Variants in CNTNAP4 observed in about 807,000 individuals in gnomAD.
CNTNAP4 encodes the protein contactin associated protein family member 4.
CNTNAP4 carries 98 observed loss-of-function variants against 148.4 expected under a neutral mutation model. That is an observed-to-expected ratio of 0.66 (90% CI 0.56 to 0.78). The LOEUF is 0.78. Ranked by LOEUF, CNTNAP4 falls within the 30% of genes least tolerant of loss-of-function variation. The probability of loss-of-function intolerance (pLI) is 0.00; values close to 1 mark genes in which losing one functional copy is unlikely to be tolerated. For missense variants in CNTNAP4, 1,935 were observed against 1,565.6 expected, an observed-to-expected ratio of 1.24 and a Z score of -3.98; for synonymous variants, 730 against 565.1, an observed-to-expected ratio of 1.29 and a Z score of -4.14.
intron 5 of CNTNAP4, 117 bp downstream of exon 5, chr16:76,448,332 G>T (rs2080326933): frequency 2.9e-6 from 2 of 694,270 alleles, no homozygotes; most frequent in Admixed American, 2.9e-5. Context: ...AGATTCAAGG[G>T]CTTGTACATA....
chr16:76,476,107 T>C, intron 11 of CNTNAP4, 62 bp downstream of exon 11: 1 of 1,116,252 alleles, frequency 9.0e-7, no homozygotes, highest in Non-Finnish European at 1.4e-6. Flanking sequence ...CATTTCCCTT[T>C]TCATTGCTGT....
intron 9 of CNTNAP4, among the ~76,000 whole-genome samples, chr16:76,462,553 C>T (rs895350731): frequency 7.9e-5 from 12 of 152,096 alleles, no homozygotes; most frequent in Admixed American, 1.3e-4. Context: ...CTTAATCAGC[C>T]CCAGCAACCT....
chr16:76,452,869 A>G, intron 8 of CNTNAP4, 100 bp downstream of exon 8: 3 of 1,044,600 alleles, frequency 2.9e-6, no homozygotes, highest in Non-Finnish European at 4.0e-6. Flanking sequence ...ATATTTGCTT[A>G]ATAAATGAAT....
intron 1 of CNTNAP4, among the ~76,000 whole-genome samples, chr16:76,308,605 T>C (rs556086262): frequency 4.9e-4 from 75 of 152,302 alleles, no homozygotes; most frequent in African/African-American, 1.7e-3. Flanking sequence ...ATAAGGACAT[T>C]ATGAAAGGAA....
At chr16:76,529,601 A>G (rs1597075979) in intron 17 of CNTNAP4, among the ~76,000 whole-genome samples, 2 of 152,190 alleles carry the variant, frequency 1.3e-5, no homozygotes, top group South Asian at 4.1e-4. Flanking sequence ...TCCAGTCTCA[A>G]TTCTTTTACT....
intron 4 of CNTNAP4, among the ~76,000 whole-genome samples, chr16:76,438,760 T>A (rs981077814): frequency 6.6e-6 from 1 of 152,080 alleles, no homozygotes; most frequent in African/African-American, 2.4e-5. Context: ...CCTTCTTTCC[T>A]GGCCGCTGCT....
chr16:76,307,503 CATATATATAT>C (rs6145898), intron 1 of CNTNAP4, among the ~76,000 whole-genome samples: 3,914 of 91,668 alleles, frequency 0.043, 191 homozygotes, highest in African/African-American at 0.075. Context: ...ATTTTAAATG[CATATATATAT>C]ATATATATAT....
intron 3 of CNTNAP4, among the ~76,000 whole-genome samples, chr16:76,379,178 A>T (rs1237082293): frequency 1.3e-5 from 2 of 152,134 alleles, no homozygotes; most frequent in Non-Finnish European, 2.9e-5. Context: ...CTGGTACTTA[A>T]AAATGACTCC....
intron 2 of CNTNAP4, among the ~76,000 whole-genome samples, chr16:76,319,613 G>C (rs998781339): frequency 1.3e-5 from 2 of 152,032 alleles, no homozygotes; most frequent in South Asian, 2.1e-4. Flanking sequence ...ATTAAGGGGT[G>C]GGGGGCTAAA....
At chr16:76,390,239 C>A (rs911451872) in intron 3 of CNTNAP4, among the ~76,000 whole-genome samples, 8 of 152,310 alleles carry the variant, frequency 5.3e-5, no homozygotes, top group South Asian at 2.1e-4. Flanking sequence ...AATGGCAAAA[C>A]CTTCAGGTAT....
chr16:76,481,019 C>T (rs1224642813), intron 12 of CNTNAP4, among the ~76,000 whole-genome samples: 2 of 152,020 alleles, frequency 1.3e-5, no homozygotes, highest in African/African-American at 2.4e-5. Context: ...TACGTAAAGC[C>T]GTATATAGCT....
Position 76,277,714 on chromosome 16 carries a change from CA to C in CNTNAP4, c.56del (p.Asn19IlefsTer43). On this transcript the variant is annotated frameshift_variant, in exon 1 of 24. Transcript: ENST00000611870. LOFTEE classifies it high-confidence loss of function. ...CAAGACGCTACTTCTGTTATCTACT[CA>C]AAATTGGAACAGAGTCGAAGCTGGG... Reference protein sequence around the residue: ...VLKTLLLLSTQNWNRVEAGNS... With the variant: ...VLKTLLLLSTXNWNRVEAGNS... The C allele has an allele frequency of 6.2e-7, 1 of 1,605,100 alleles. No individual in the cohort carries two copies. Among genetic ancestry groups the C allele is most frequent in the Non-Finnish European group, 8.5e-7 (1 of 1,175,202 alleles).
At chr16:76,552,863 G>C (rs554340120) in intron 21 of CNTNAP4, among the ~76,000 whole-genome samples, 2 of 152,254 alleles carry the variant, frequency 1.3e-5, no homozygotes, top group Admixed American at 6.5e-5. Context: ...TCTAGTTTCT[G>C]TTACTTTCAG....
At chr16:76,289,442 C>G (rs1021825933) in intron 1 of CNTNAP4, among the ~76,000 whole-genome samples, 6 of 151,698 alleles carry the variant, frequency 4.0e-5, no homozygotes, top group Non-Finnish European at 5.9e-5. Flanking sequence ...TCATTATTAA[C>G]TTTTACAAAG....
chr16:76,539,903 G>C, intron 20 of CNTNAP4, 51 bp downstream of exon 20: 6 of 1,397,608 alleles, frequency 4.3e-6, no homozygotes, highest in Non-Finnish European at 5.8e-6. Flanking sequence ...TCTCCAGCAT[G>C]AAGGATCTCA....
At chr16:76,471,283 G>T (rs2081364604) in intron 10 of CNTNAP4, among the ~76,000 whole-genome samples, 1 of 152,186 alleles carries the variant, frequency 6.6e-6, no homozygotes, top group Admixed American at 6.5e-5. Flanking sequence ...TGTGAGTGGG[G>T]CTGGGGCAGG....
chr16:76,415,695 G>A (rs2078948278), intron 3 of CNTNAP4, among the ~76,000 whole-genome samples: 1 of 150,780 alleles, frequency 6.6e-6, no homozygotes, highest in Non-Finnish European at 1.5e-5. Flanking sequence ...GTTCCTTCAT[G>A]CTCCTTTGTA....
At chr16:76,353,409 G>A (rs2012118926) in intron 2 of CNTNAP4, among the ~76,000 whole-genome samples, 1 of 152,110 alleles carries the variant, frequency 6.6e-6, no homozygotes, top group Non-Finnish European at 1.5e-5. Flanking sequence ...TTGTTGTAAT[G>A]CAATTTTTTA....
rs188107912 is a variant in CNTNAP4 at position 76,486,267 on chromosome 16, T to C, written c.1883-3419T>C. 1.3e-3 allele frequency among the ~76,000 whole-genome samples: 204 copies of C among 152,118 alleles called. 1 individual carries two copies. Among genetic ancestry groups the C allele is most frequent in the Non-Finnish European group, 2.0e-3 (133 of 68,036 alleles). On this transcript the variant is annotated intron_variant, in intron 12 of 23. Coordinates refer to ENST00000611870, the MANE Select transcript of CNTNAP4 (RefSeq NM_033401.5). ...AATTGGTAATAAAGTAAAATCATGA[T>C]TCTCATACAGATATGAAAATAAAAG...
Sources: allele counts gnomAD v4.1 joint callset (sites outside exome capture counted in the v4.1 genomes callset), GRCh38; gene constraint gnomAD v4.1.1; transcripts MANE v1.5; gene names NCBI Gene and HGNC (gene_info 2026-07-23, HGNC 2026-07-21).